DENND1B: variants seen among roughly 807,000 people sequenced by gnomAD.
DENND1B encodes the protein DENN domain containing 1B, also known as DENN domain-containing protein 1B.
Under a neutral mutation model 90.1 loss-of-function variants are expected in DENND1B, and 59 were observed. That is an observed-to-expected ratio of 0.65 (90% CI 0.53 to 0.81). DENND1B has a LOEUF of 0.81. DENND1B is among the 40% of genes least tolerant of loss of function. DENND1B has a pLI of 0.00. For synonymous variants in DENND1B, 337 were observed against 324.6 expected (o/e 1.04, Z -0.41); for missense variants, 862 against 912.6 (o/e 0.94, Z 0.71).
chr1:197,694,337 A>G (rs1658215041), intron 3 of DENND1B, among the ~76,000 whole-genome samples: 1 of 151,390 alleles, frequency 6.6e-6, no homozygotes, highest in Non-Finnish European at 1.5e-5. Flanking sequence ...ATTTTGCAAG[A>G]CTTTATTTTC....
intron 3 of DENND1B, among the ~76,000 whole-genome samples, chr1:197,698,190 G>C (rs535203603): frequency 3.7e-4 from 56 of 152,128 alleles, no homozygotes; most frequent in African/African-American, 1.3e-3. Flanking sequence ...CTCAGCAAAT[G>C]CAAAAGAACA....
chr1:197,543,910 T>C (rs1269086567), intron 18 of DENND1B, among the ~76,000 whole-genome samples: 1 of 152,184 alleles, frequency 6.6e-6, no homozygotes, highest in Non-Finnish European at 1.5e-5. Context: ...TATTTTATTA[T>C]TAATTCAATC....
intron 3 of DENND1B, among the ~76,000 whole-genome samples, chr1:197,705,390 A>C (rs1659426800): frequency 6.6e-6 from 1 of 152,128 alleles, no homozygotes; most frequent in Non-Finnish European, 1.5e-5. Flanking sequence ...ATTGTTGTAA[A>C]CTAGAATCCT....
intron 11 of DENND1B, among the ~76,000 whole-genome samples, chr1:197,612,178 C>CT (rs2125849555): frequency 6.6e-6 from 1 of 150,518 alleles, no homozygotes; most frequent in East Asian, 2.0e-4. Flanking sequence ...ATTAAGATTG[C>CT]TTTTTATAAA....
rs1657108747 is a variant in DENND1B, at chr1:197,685,191, CAAAT to C, written c.127-11026_127-11023del. ...ATTGAGAACAAGAGTCATATCAGAA[CAAAT>C]AAATAATACTAGAATAACAGGCAGG... On this transcript the variant is annotated intron_variant, in intron 3 of 22. Coordinates refer to ENST00000620048, the MANE Select transcript of DENND1B (RefSeq NM_001195215.2). Among the ~76,000 whole-genome samples the C allele has an allele frequency of 2.0e-5, 3 of 152,076 alleles. No homozygotes were observed. The South Asian group carries it at 6.2e-4, about 32-fold the overall frequency.
intron 10 of DENND1B, among the ~76,000 whole-genome samples, chr1:197,635,196 G>A (rs1472164026): frequency 1.3e-5 from 2 of 152,132 alleles, no homozygotes; most frequent in African/African-American, 4.8e-5. Context: ...TTCAGTATCA[G>A]ATGAACACTT....
intron 20 of DENND1B, among the ~76,000 whole-genome samples, chr1:197,536,900 G>A (rs1289077133): frequency 6.6e-6 from 1 of 152,046 alleles, no homozygotes; most frequent in Non-Finnish European, 1.5e-5. Context: ...AATTAGCCAG[G>A]CGTGGTGGCG....
At chr1:197,682,284 T>C (rs1195816631) in intron 3 of DENND1B, among the ~76,000 whole-genome samples, 2 of 152,150 alleles carry the variant, frequency 1.3e-5, no homozygotes, top group African/African-American at 4.8e-5. Context: ...ATGGTGTATT[T>C]GAAAAGTTTG....
intron 10 of DENND1B, among the ~76,000 whole-genome samples, chr1:197,642,277 C>G (rs546301417): frequency 1.3e-5 from 2 of 152,228 alleles, no homozygotes; most frequent in Non-Finnish European, 2.9e-5. Flanking sequence ...AATCTACTCC[C>G]AAACCACTAC....
chr1:197,618,643 TC>T, intron 10 of DENND1B, among the ~76,000 whole-genome samples: 1 of 151,286 alleles, frequency 6.6e-6, no homozygotes, highest in Admixed American at 6.6e-5. Context: ...AAATTATATT[TC>T]TGTAGATGTA....
At chr1:197,632,107 G>T (rs1262289358) in intron 10 of DENND1B, among the ~76,000 whole-genome samples, 1 of 152,122 alleles carries the variant, frequency 6.6e-6, no homozygotes, top group East Asian at 1.9e-4. Context: ...TTTTATTACT[G>T]TAACAATCTT....
At chr1:197,615,827 C>A (rs943793251) in intron 11 of DENND1B, among the ~76,000 whole-genome samples, 1 of 150,864 alleles carries the variant, frequency 6.6e-6, no homozygotes, top group Non-Finnish European at 1.5e-5. Flanking sequence ...ACTCTTTGAA[C>A]CAGGGAGGTT....
At chr1:197,644,672 A>T (rs1680576646) in intron 9 of DENND1B, among the ~76,000 whole-genome samples, 1 of 152,192 alleles carries the variant, frequency 6.6e-6, no homozygotes, top group African/African-American at 2.4e-5. Context: ...GAGCAACTTG[A>T]TGCAAAGCTT....
In DENND1B at chr1:197,541,005, T is replaced by G. The variant is rs554155404; in HGVS notation, c.1361A>C (p.His454Pro). The G allele has an allele frequency of 3.7e-5, 60 of 1,612,696 alleles. No individual in the cohort carries two copies. The highest frequency in any genetic ancestry group is 4.7e-5 in the Non-Finnish European group (56 of 1,179,228). Residue 454 changes from histidine to proline, a missense_variant, in exon 19 of 23, where the codon CAT becomes CCT. His to Pro is a moderately conservative substitution (Grantham distance 77). Transcript: ENST00000620048. ...CACTTCCTTTAGTCCCAGCTTTGCATGATTTTTTGCCTAGAAAATGATAAT... is the reference window on the plus strand; with the variant it reads ...CACTTCCTTTAGTCCCAGCTTTGCAGGATTTTTTGCCTAGAAAATGATAAT... The part of the protein sequence containing the change: ...VRTAYKFAKN[H>P]AKLGLKEVKS...
intron 15 of DENND1B, among the ~76,000 whole-genome samples, chr1:197,561,048 C>T (rs537008343): frequency 6.6e-6 from 1 of 152,048 alleles, no homozygotes; most frequent in Admixed American, 6.6e-5. Flanking sequence ...TTTTCCTTCT[C>T]TCTTCTGAAT....
At chr1:197,511,352 A>G (rs1668014841) in intron 22 of DENND1B, among the ~76,000 whole-genome samples, 1 of 151,822 alleles carries the variant, frequency 6.6e-6, no homozygotes, top group African/African-American at 2.4e-5. Flanking sequence ...GGTAAGAAAA[A>G]TGATTTGAAT....
At chr1:197,629,988 T>C (rs1679180723) in intron 10 of DENND1B, among the ~76,000 whole-genome samples, 3 of 151,814 alleles carry the variant, frequency 2.0e-5, no homozygotes, top group Admixed American at 6.6e-5. Flanking sequence ...GAAAGGCAAA[T>C]TAAAACAATG....
intron 20 of DENND1B, among the ~76,000 whole-genome samples, chr1:197,516,308 T>C (rs1668395720): frequency 6.6e-6 from 1 of 151,810 alleles, no homozygotes; most frequent in South Asian, 2.1e-4. Context: ...ATTGAATATA[T>C]ATCAACCTGC....
At position 197,511,861 on chromosome 1, in the gene DENND1B, T is replaced by TA; in HGVS notation, c.1681dup (p.Tyr561LeufsTer4). The TA allele has an allele frequency of 6.2e-7, 1 of 1,611,478 alleles. No homozygotes were observed. The highest frequency in any genetic ancestry group is 8.5e-7 in the Non-Finnish European group (1 of 1,178,290). On this transcript the variant is annotated frameshift_variant, in exon 22 of 23. Coordinates refer to ENST00000620048, the MANE Select transcript of DENND1B (RefSeq NM_001195215.2). LOFTEE classifies it high-confidence loss of function. ...TCCTAGTAAGTCCATTTCACCTGAGTAAGGAGTCTTCACTCTTGTTTCAAC... is the reference window on the plus strand; with the variant it reads ...TCCTAGTAAGTCCATTTCACCTGAGTAAAGGAGTCTTCACTCTTGTTTCAAC...
Sources: allele counts gnomAD v4.1 joint callset (sites outside exome capture counted in the v4.1 genomes callset), GRCh38; gene constraint gnomAD v4.1.1; transcripts MANE v1.5; gene names NCBI Gene and HGNC (gene_info 2026-07-23, HGNC 2026-07-21).